PLAC1: variants seen among roughly 807,000 people sequenced by gnomAD.
PLAC1 encodes placenta-specific protein 1.
For synonymous variants in PLAC1, 68 were observed against 62.1 expected (o/e 1.09, Z -0.44); for missense variants, 136 against 163.2 (o/e 0.83, Z 0.91).
chrX:134,660,989 C>CT (rs57824612), upstream of PLAC1, among the ~76,000 whole-genome samples: 940 of 107,069 alleles, frequency 8.8e-3, 7 homozygotes, highest in Non-Finnish European at 0.013. Context: ...TTTTAGACGT[C>CT]TTTTTTTTTT....
intron 2 of PLAC1, among the ~76,000 whole-genome samples, chrX:134,589,690 G>T (rs750770810): frequency 1.8e-4 from 18 of 99,142 alleles, no homozygotes; most frequent in Non-Finnish European, 3.0e-4. Context: ...TCACACCACT[G>T]CACTCCAGCC....
At chrX:134,663,941 A>C (rs1434160861) in intron 2 of PLAC1, among the ~76,000 whole-genome samples, 3 of 111,985 alleles carry the variant, frequency 2.7e-5, no homozygotes, top group African/African-American at 9.7e-5. Flanking sequence ...AAAAAAAAGA[A>C]AAGAAATGTG....
intron 2 of PLAC1, among the ~76,000 whole-genome samples, chrX:134,683,701 T>C (rs1295809333): frequency 1.8e-5 from 2 of 111,783 alleles, no homozygotes; most frequent in South Asian, 3.8e-4. Flanking sequence ...TGAAAAATAC[T>C]GTGAAACCAT....
chrX:134,686,564 C>A (rs2147818880), intron 2 of PLAC1, among the ~76,000 whole-genome samples: 1 of 111,973 alleles, frequency 8.9e-6, no homozygotes, highest in African/African-American at 3.2e-5. Context: ...GAAACCCAGT[C>A]CTGCTTAGGG....
chrX:134,570,007 T>G (rs976477062), intron 2 of PLAC1, among the ~76,000 whole-genome samples: 1 of 110,304 alleles, frequency 9.1e-6, no homozygotes, highest in African/African-American at 3.3e-5. Flanking sequence ...TTTTTGTATT[T>G]TTAGTAGAGA....
rs1289641635 is a variant in PLAC1, at chrX:134,655,251, C to T, written c.-131+3077G>A. ...TAGATCAAAGAAGTAGAACAATGAA[C>T]ATACATATAACCACCAAGATTCCAC... On this transcript the variant is annotated intron_variant, in intron 1 of 2. Coordinates refer to ENST00000359237, the MANE Select transcript of PLAC1 (RefSeq NM_021796.4). 4.2e-4 allele frequency among the ~76,000 whole-genome samples: 46 copies of T among 109,127 alleles called. 1 individual carries two copies. Among genetic ancestry groups the T allele is most frequent in the Non-Finnish European group, 1.7e-4 (9 of 52,560 alleles). 94.8% of individuals were successfully genotyped at this position (109,127 alleles called of 115,157 possible).
intron 2 of PLAC1, among the ~76,000 whole-genome samples, chrX:134,596,823 C>T (rs1240731796): frequency 2.7e-5 from 3 of 110,457 alleles, no homozygotes; most frequent in Admixed American, 9.7e-5. Flanking sequence ...TCTCAAACTC[C>T]TGGGCTCAAG....
chrX:134,586,649 A>AT (rs1273407340), intron 2 of PLAC1, among the ~76,000 whole-genome samples: 6 of 90,189 alleles, frequency 6.7e-5, no homozygotes, highest in Admixed American at 6.1e-4. Context: ...CCTCGCTAAC[A>AT]TTTTTTTTTC....
chrX:134,679,641 C>T (rs1382379611), intron 2 of PLAC1, among the ~76,000 whole-genome samples: 1 of 111,806 alleles, frequency 8.9e-6, no homozygotes, highest in Non-Finnish European at 1.9e-5. Context: ...AATGATCTGG[C>T]TCAAAATGTC....
intron 2 of PLAC1, among the ~76,000 whole-genome samples, chrX:134,724,047 G>A (rs1313924986): frequency 9.1e-6 from 1 of 109,980 alleles, no homozygotes; most frequent in Admixed American, 9.7e-5. Context: ...AGCTGACCAG[G>A]ATCTTAGAAA....
rs2077870782 is a variant in PLAC1, at chrX:134,565,922, T to C, written c.*122A>G. Reference sequence around the variant, plus strand: ...AAAAAGGCTTAATTCATGAAGTTGCTATAGGTTTCTCTTTCTCAAAAGTGC... The same window carrying C: ...AAAAAGGCTTAATTCATGAAGTTGCCATAGGTTTCTCTTTCTCAAAAGTGC... On this transcript the variant is annotated 3_prime_UTR_variant, in exon 3 of 3. Transcript: ENST00000359237. 4 of 506,979 alleles carry C rather than the reference T, an allele frequency of 7.9e-6. No homozygotes were observed. The highest frequency in any genetic ancestry group is 6.5e-5 in the Admixed American group (2 of 30,944). The allele number at this position is 506,979 out of a possible 1,213,427, so 41.8% of individuals were successfully genotyped here. A position where few individuals can be genotyped will look rare whatever the true frequency, so the allele number is the denominator to read the frequency against.
chrX:134,619,663 A>G (rs1192716357), intron 1 of PLAC1, among the ~76,000 whole-genome samples: 1 of 110,854 alleles, frequency 9.0e-6, no homozygotes, highest in Non-Finnish European at 1.9e-5. Flanking sequence ...AAAAAAAAAA[A>G]AGAAAAAAGA....
At position 134,697,032 on chromosome X, in the gene PLAC1, CA is replaced by C. The variant is rs375742064; in HGVS notation, n.174+36402del. On this transcript the variant is annotated intron_variant and non_coding_transcript_variant, in intron 2 of 2. Coordinates refer to the PLAC1 transcript ENST00000466797. ...TGGGCAACAGAGCGAGACTCCATCT[CA>C]AAAAAAAAAAAAGGAAAGAAAGAAA... 5.9e-3 allele frequency among the ~76,000 whole-genome samples: 500 copies of C among 84,563 alleles called. 2 individuals carry two copies. The highest frequency in any genetic ancestry group is 0.017 in the African/African-American group (385 of 23,233). The allele number at this position is 84,563 out of a possible 115,157, so 73.4% of individuals were successfully genotyped here. A position where few individuals can be genotyped will look rare whatever the true frequency, so the allele number is the denominator to read the frequency against.
chrX:134,749,878 G>A (rs771630022), intron 1 of PLAC1, among the ~76,000 whole-genome samples: 2 of 111,205 alleles, frequency 1.8e-5, no homozygotes, highest in Non-Finnish European at 3.8e-5. Context: ...CTATAAGGAA[G>A]CCCCCACCAT....
At chrX:134,636,435 T>C (rs1328720756) in intron 1 of PLAC1, among the ~76,000 whole-genome samples, 1 of 112,028 alleles carries the variant, frequency 8.9e-6, no homozygotes, top group East Asian at 2.8e-4. Context: ...CACATCTTGA[T>C]AAGGTTCTAT....
At chrX:134,727,332 T>G (rs1225214539) in intron 2 of PLAC1, among the ~76,000 whole-genome samples, 2 of 112,377 alleles carry the variant, frequency 1.8e-5, no homozygotes, top group African/African-American at 6.5e-5. Flanking sequence ...TCTTCTCTCA[T>G]GCCATGTAAA....
intron 2 of PLAC1, among the ~76,000 whole-genome samples, chrX:134,569,434 A>G (rs1048862981): frequency 3.6e-5 from 4 of 111,547 alleles, no homozygotes; most frequent in Non-Finnish European, 1.9e-5. Flanking sequence ...TGACTTTCAT[A>G]AAGCCAAGAA....
chrX:134,687,315 A>G (rs183133468), intron 2 of PLAC1, among the ~76,000 whole-genome samples: 1 of 111,839 alleles, frequency 8.9e-6, no homozygotes, highest in Non-Finnish European at 1.9e-5. Context: ...CGTGGGCCAC[A>G]TGTGGCCCAG....
intron 2 of PLAC1, among the ~76,000 whole-genome samples, chrX:134,696,211 T>C (rs925285986): frequency 4.5e-5 from 5 of 111,576 alleles, no homozygotes; most frequent in Admixed American, 1.9e-4. Flanking sequence ...AGAGGGACTT[T>C]TGTAACTCAA....
Sources: gnomAD v4.1 joint callset for allele counts (sites outside exome capture counted in the v4.1 genomes callset) on GRCh38, gnomAD v4.1.1 for gene constraint, MANE v1.5 for transcripts, NCBI Gene and HGNC (gene_info 2026-07-23, HGNC 2026-07-21) for gene names.